EPB41L3: variants seen among roughly 807,000 people sequenced by gnomAD.
EPB41L3 encodes the protein band 4.1-like protein 3.
EPB41L3 carries 57 observed loss-of-function variants against 127.1 expected under a neutral mutation model. The observed-to-expected ratio is 0.45, with a 90% CI of 0.36 to 0.56. EPB41L3 has a LOEUF of 0.56. EPB41L3 is among the 20% of genes least tolerant of loss of function. The pLI is 0.00. For missense variants in EPB41L3, 1,273 were observed against 1,372.2 expected (o/e 0.93, Z 1.14); for synonymous variants, 572 against 549.5 (o/e 1.04, Z -0.57).
chr18:5,404,695 T>C (rs968842976), intron 16 of EPB41L3, among the ~76,000 whole-genome samples: 1 of 152,230 alleles, frequency 6.6e-6, no homozygotes, highest in South Asian at 2.1e-4. Flanking sequence ...ACCCTTTAAA[T>C]TCTCTAAGTT....
At chr18:5,494,461 C>T (rs2090946571) in intron 1 of EPB41L3, among the ~76,000 whole-genome samples, 2 of 152,128 alleles carry the variant, frequency 1.3e-5, no homozygotes, top group Non-Finnish European at 2.9e-5. Context: ...AGTTCAAGAC[C>T]AGCCTGGCCA....
chr18:5,503,244 T>C (rs2091892571), intron 1 of EPB41L3, among the ~76,000 whole-genome samples: 1 of 152,174 alleles, frequency 6.6e-6, no homozygotes, highest in Non-Finnish European at 1.5e-5. Context: ...ATTTAATACA[T>C]CTGAAATACA....
intron 16 of EPB41L3, among the ~76,000 whole-genome samples, chr18:5,404,520 T>C (rs2075042031): frequency 6.6e-6 from 1 of 152,202 alleles, no homozygotes; most frequent in Admixed American, 6.5e-5. Flanking sequence ...AAAGCATTAA[T>C]ATCCAGGGAA....
chr18:5,619,364 T>G (rs544010303), intron 1 of EPB41L3, among the ~76,000 whole-genome samples: 1 of 152,280 alleles, frequency 6.6e-6, no homozygotes, highest in East Asian at 1.9e-4. Flanking sequence ...TTTTTTATGT[T>G]TTTTTTCTAT....
At chr18:5,410,478 G>A in intron 14 of EPB41L3, 88 bp downstream of exon 14, 1 of 906,824 alleles carries the variant, frequency 1.1e-6, no homozygotes, top group Non-Finnish European at 1.9e-6. Flanking sequence ...CATTACAACA[G>A]CTCATATGTG....
chr18:5,487,082 C>T (rs1339623862), intron 2 of EPB41L3, among the ~76,000 whole-genome samples: 1 of 152,078 alleles, frequency 6.6e-6, no homozygotes, highest in Admixed American at 6.6e-5. Context: ...ACCTAAGTGC[C>T]CATCAACAGA....
chr18:5,411,106 C>T (rs138646411), intron 13 of EPB41L3, among the ~76,000 whole-genome samples: 1 of 152,138 alleles, frequency 6.6e-6, no homozygotes, highest in Non-Finnish European at 1.5e-5. Flanking sequence ...CTCATTTATA[C>T]CATTATGATA....
chr18:5,544,004 G>C (rs932205916), upstream of EPB41L3: 35 of 985,576 alleles, frequency 3.6e-5, no homozygotes, highest in African/African-American at 5.6e-4. Context: ...ACTCGGGCGT[G>C]GGGAGGAAGC....
intron 3 of EPB41L3, among the ~76,000 whole-genome samples, chr18:5,602,232 GTA>G (rs1009932246): frequency 1.3e-5 from 2 of 152,126 alleles, no homozygotes; most frequent in Admixed American, 1.3e-4. Flanking sequence ...ATGTCCTGTA[GTA>G]TACACACTAA....
intron 1 of EPB41L3, among the ~76,000 whole-genome samples, chr18:5,490,303 A>C (rs2090430321): frequency 1.3e-5 from 2 of 152,228 alleles, no homozygotes. Context: ...TTATAGTAAA[A>C]GTATGAGCAA....
At chr18:5,565,529 T>C (rs1339574442) in intron 3 of EPB41L3, among the ~76,000 whole-genome samples, 3 of 151,764 alleles carry the variant, frequency 2.0e-5, no homozygotes, top group Non-Finnish European at 1.5e-5. Context: ...TATGTATACA[T>C]GTGCCATGTT....
intron 1 of EPB41L3, among the ~76,000 whole-genome samples, chr18:5,504,104 C>T (rs1376844025): frequency 6.6e-6 from 1 of 152,136 alleles, no homozygotes; most frequent in Non-Finnish European, 1.5e-5. Flanking sequence ...GAAGCCTGCA[C>T]AGGAAAGGGG....
At chr18:5,410,507 C>A (rs1179372683) in intron 14 of EPB41L3, 59 bp downstream of exon 14, 5 of 1,276,674 alleles carry the variant, frequency 3.9e-6, no homozygotes, top group Non-Finnish European at 5.7e-6. Flanking sequence ...AAACACAGAG[C>A]CACCCCACAA....
intron 1 of EPB41L3, among the ~76,000 whole-genome samples, chr18:5,519,092 G>A (rs1240407891): frequency 2.0e-5 from 3 of 152,178 alleles, no homozygotes; most frequent in Non-Finnish European, 4.4e-5. Flanking sequence ...AAAAACTGCA[G>A]GGAAAATGAC....
intron 3 of EPB41L3, among the ~76,000 whole-genome samples, chr18:5,581,121 G>A (rs1427443710): frequency 6.6e-6 from 1 of 152,186 alleles, no homozygotes; most frequent in Non-Finnish European, 1.5e-5. Context: ...CCAAGTCTTT[G>A]TGGTGTGACA....
intron 3 of EPB41L3, among the ~76,000 whole-genome samples, chr18:5,607,133 T>C (rs2094666540): frequency 6.6e-6 from 1 of 152,204 alleles, no homozygotes; most frequent in Non-Finnish European, 1.5e-5. Context: ...TGTTGAATAC[T>C]ACCGTGGAGA....
At chr18:5,521,216 C>T (rs1165326270) in intron 1 of EPB41L3, 2 of 152,242 alleles carry the variant, frequency 1.3e-5, no homozygotes, top group African/African-American at 4.8e-5. Flanking sequence ...ATTTTATCTA[C>T]ATTGTTAGCT....
At chr18:5,588,417 A>G (rs1352796297) in intron 3 of EPB41L3, among the ~76,000 whole-genome samples, 1 of 152,048 alleles carries the variant, frequency 6.6e-6, no homozygotes, top group Non-Finnish European at 1.5e-5. Context: ...TAATACACAA[A>G]CTACATATAC....
intron 3 of EPB41L3, among the ~76,000 whole-genome samples, chr18:5,477,148 G>A (rs1476284449): frequency 6.6e-6 from 1 of 152,202 alleles, no homozygotes; most frequent in African/African-American, 2.4e-5. Flanking sequence ...CTGGGTGCAT[G>A]AGCACATTAT....
Sources: allele counts gnomAD v4.1 joint callset (sites outside exome capture counted in the v4.1 genomes callset), GRCh38; gene constraint gnomAD v4.1.1; transcripts MANE v1.5; gene names NCBI Gene and HGNC (gene_info 2026-07-23, HGNC 2026-07-21).